The following EPHB1 variants were observed in gnomAD, a reference collection of about 807,000 sequenced individuals.
EPHB1 encodes ephrin type-B receptor 1.
A neutral mutation model predicts 94.4 loss-of-function variants in EPHB1; 30 were observed. The ratio of observed to expected loss-of-function variants is 0.32; its 90% confidence interval spans 0.24 to 0.43. The LOEUF is 0.43. Among genes scored for constraint, EPHB1 ranks in the 20% least tolerant of loss-of-function variants. The pLI, the probability that EPHB1 is intolerant of heterozygous loss-of-function variation, is 1.00. For synonymous variants in EPHB1, 522 were observed against 489.1 expected (o/e 1.07, Z -0.89); for missense variants, 1,055 against 1,308.3 (o/e 0.81, Z 2.99).
At chr3:135,035,621 T>C (rs768823982) in intron 3 of EPHB1, among the ~76,000 whole-genome samples, 2 of 152,162 alleles carry the variant, frequency 1.3e-5, no homozygotes, top group Non-Finnish European at 2.9e-5. Context: ...CTCCTGCTCA[T>C]CAGCACAGTC....
chr3:134,896,716 T>C (rs926319413), intron 1 of EPHB1, among the ~76,000 whole-genome samples: 9 of 152,236 alleles, frequency 5.9e-5, no homozygotes, highest in African/African-American at 2.2e-4. Flanking sequence ...TTCCCTGAGG[T>C]GCCAGGTTCA....
chr3:134,973,861 A>C (rs571058770), intron 3 of EPHB1, among the ~76,000 whole-genome samples: 3 of 152,208 alleles, frequency 2.0e-5, no homozygotes, highest in Non-Finnish European at 4.4e-5. Flanking sequence ...AATCCTAGAG[A>C]AAATCTCTGC....
intron 12 of EPHB1, among the ~76,000 whole-genome samples, chr3:135,219,896 T>G (rs1247553209): frequency 2.0e-5 from 3 of 152,280 alleles, no homozygotes; most frequent in Admixed American, 6.5e-5. Context: ...AGTGTTTGCC[T>G]TATGGGCCCT....
At chr3:135,131,786 C>T (rs1940427745) in intron 4 of EPHB1, among the ~76,000 whole-genome samples, 1 of 152,196 alleles carries the variant, frequency 6.6e-6, no homozygotes, top group Non-Finnish European at 1.5e-5. Flanking sequence ...AAAGAGGCTG[C>T]CCTCTGTGAG....
intron 1 of EPHB1, among the ~76,000 whole-genome samples, chr3:134,915,601 T>G (rs1267414520): frequency 6.6e-6 from 1 of 152,200 alleles, no homozygotes; most frequent in East Asian, 1.9e-4. Flanking sequence ...GCGGCGTGTC[T>G]GGACTTTGTT....
chr3:134,891,117 T>A (rs554260862), intron 1 of EPHB1, among the ~76,000 whole-genome samples: 6 of 152,240 alleles, frequency 3.9e-5, no homozygotes, highest in South Asian at 4.1e-4. Context: ...GTTCTTATAT[T>A]TTTTTTAAGA....
At chr3:134,819,662 C>A (rs1321358184) in intron 1 of EPHB1, among the ~76,000 whole-genome samples, 2 of 152,154 alleles carry the variant, frequency 1.3e-5, no homozygotes, top group Admixed American at 6.5e-5. Context: ...CAGCTGAGTC[C>A]CTACCCTGCA....
chr3:134,970,363 T>A (rs926013797), intron 3 of EPHB1, among the ~76,000 whole-genome samples: 1 of 152,226 alleles, frequency 6.6e-6, no homozygotes, highest in Non-Finnish European at 1.5e-5. Context: ...GCTGTATGAG[T>A]GGCTCTTTCA....
intron 3 of EPHB1, among the ~76,000 whole-genome samples, chr3:135,092,612 T>G (rs1166466486): frequency 1.3e-5 from 1 of 77,952 alleles, no homozygotes; most frequent in Admixed American, 1.6e-4. Flanking sequence ...TTTCCCTCCC[T>G]CCCTCCCTCC....
intron 15 of EPHB1, among the ~76,000 whole-genome samples, chr3:135,252,956 C>CTGA (rs1378681015): frequency 2.0e-5 from 3 of 150,686 alleles, no homozygotes; most frequent in African/African-American, 7.3e-5. Flanking sequence ...TTGCATTTCT[C>CTGA]TGATGGCCAG....
At chr3:135,137,140 C>A (rs13318586) in intron 5 of EPHB1, among the ~76,000 whole-genome samples, 3,041 of 152,232 alleles carry the variant, frequency 0.02, 51 homozygotes, top group Non-Finnish European at 0.029. Context: ...TGAATCAGAC[C>A]AGCACATGAG....
intron 4 of EPHB1, among the ~76,000 whole-genome samples, chr3:135,132,365 T>G (rs1187668901): frequency 6.6e-6 from 1 of 152,140 alleles, no homozygotes; most frequent in Non-Finnish European, 1.5e-5. Flanking sequence ...CAGTAAATGT[T>G]CAATATATAT....
chr3:134,975,932 G>C (rs1934173945), intron 3 of EPHB1, among the ~76,000 whole-genome samples: 1 of 152,016 alleles, frequency 6.6e-6, no homozygotes, highest in African/African-American at 2.4e-5. Flanking sequence ...TGAGGATATA[G>C]GATGAAAGGG....
At chr3:135,205,474 C>T (rs1236300740) in intron 12 of EPHB1, among the ~76,000 whole-genome samples, 1 of 152,108 alleles carries the variant, frequency 6.6e-6, no homozygotes, top group Non-Finnish European at 1.5e-5. Flanking sequence ...TCTTGGGTTA[C>T]CTGGTTTATT....
chr3:134,888,157 G>T (rs1348305116), intron 1 of EPHB1, among the ~76,000 whole-genome samples: 1 of 152,176 alleles, frequency 6.6e-6, no homozygotes, highest in African/African-American at 2.4e-5. Flanking sequence ...CCCTTGACAA[G>T]CAGTAGCTGC....
chr3:135,041,351 G>A (rs1936837547), intron 3 of EPHB1, among the ~76,000 whole-genome samples: 2 of 152,294 alleles, frequency 1.3e-5, no homozygotes, highest in South Asian at 2.1e-4. Context: ...TGTCTGGGGG[G>A]CCTTCTGTGA....
chr3:135,240,026 G>C (rs1201010799), intron 12 of EPHB1, among the ~76,000 whole-genome samples: 1 of 152,156 alleles, frequency 6.6e-6, no homozygotes, highest in Non-Finnish European at 1.5e-5. Flanking sequence ...GGCTCCAGGA[G>C]TTCTTAACCA....
At chr3:135,135,121 G>A (rs570247241) in intron 5 of EPHB1, among the ~76,000 whole-genome samples, 20 of 152,070 alleles carry the variant, frequency 1.3e-4, no homozygotes, top group South Asian at 4.2e-4. Context: ...AATCATCCCC[G>A]ATTTTGTAGT....
At chr3:135,164,087 C>T (rs1941584022) in intron 7 of EPHB1, among the ~76,000 whole-genome samples, 1 of 152,202 alleles carries the variant, frequency 6.6e-6, no homozygotes, top group African/African-American at 2.4e-5. Context: ...ATTCAAGTTT[C>T]ATATTACATT....
Sources: allele counts gnomAD v4.1 joint callset (sites outside exome capture counted in the v4.1 genomes callset), GRCh38; gene constraint gnomAD v4.1.1; transcripts MANE v1.5; gene names NCBI Gene and HGNC (gene_info 2026-07-23, HGNC 2026-07-21).